The following TEAD1 variants were observed in gnomAD, a reference collection of about 807,000 sequenced individuals.
TEAD1 encodes TEA domain transcription factor 1.
In TEAD1, 9 loss-of-function variants were observed where a neutral mutation model predicts 54.9. That is an observed-to-expected ratio of 0.16 (90% CI 0.10 to 0.29). TEAD1 has a LOEUF of 0.29. Ranked by LOEUF, TEAD1 falls within the 10% of genes least tolerant of loss-of-function variation. The probability of loss-of-function intolerance (pLI) is 1.00; values close to 1 mark genes in which losing one functional copy is unlikely to be tolerated. For missense variants in TEAD1, 387 were observed against 535.9 expected (o/e 0.72, Z 2.74); for synonymous variants, 200 against 187.8 (o/e 1.07, Z -0.53).
chr11:12,694,116 C>T (rs912957381), intron 2 of TEAD1, among the ~76,000 whole-genome samples: 3 of 152,330 alleles, frequency 2.0e-5, no homozygotes, highest in African/African-American at 2.4e-5. Context: ...AGGCTGAGTC[C>T]GGGGAAGTGC....
chr11:12,775,534 G>A (rs976330399), intron 3 of TEAD1, among the ~76,000 whole-genome samples: 3 of 152,078 alleles, frequency 2.0e-5, no homozygotes, highest in African/African-American at 4.8e-5. Context: ...ATTTTATCCC[G>A]TTCCAGTGAT....
intron 3 of TEAD1, among the ~76,000 whole-genome samples, chr11:12,847,450 C>A (rs889763763): frequency 7.2e-6 from 1 of 138,990 alleles, no homozygotes; most frequent in African/African-American, 2.7e-5. Context: ...GCTGCAGAGG[C>A]CTGGCAGCTC....
chr11:12,929,207 T>TGTG (rs1948966702), intron 11 of TEAD1, among the ~76,000 whole-genome samples: 1 of 144,102 alleles, frequency 6.9e-6, no homozygotes, highest in African/African-American at 2.6e-5. Flanking sequence ...TGTGTCTGCT[T>TGTG]TAGGGTTATG....
At chr11:12,829,431 G>A (rs1489325396) in intron 3 of TEAD1, among the ~76,000 whole-genome samples, 1 of 152,138 alleles carries the variant, frequency 6.6e-6, no homozygotes, top group African/African-American at 2.4e-5. Flanking sequence ...GGAGCAACTG[G>A]TTTCTCCTGA....
chr11:12,881,498 G>A (rs1258032194), intron 7 of TEAD1, among the ~76,000 whole-genome samples: 1 of 152,166 alleles, frequency 6.6e-6, no homozygotes, highest in Non-Finnish European at 1.5e-5. Context: ...GGCTATTTCG[G>A]GATAAAAGAA....
chr11:12,707,190 C>T (rs763368916), intron 2 of TEAD1, among the ~76,000 whole-genome samples: 7 of 138,372 alleles, frequency 5.1e-5, no homozygotes, highest in Non-Finnish European at 7.5e-5. Context: ...TATACTTGTG[C>T]GGCTGGTGTT....
At chr11:12,706,497 T>C (rs2133845450) in intron 2 of TEAD1, among the ~76,000 whole-genome samples, 1 of 152,378 alleles carries the variant, frequency 6.6e-6, no homozygotes, top group South Asian at 2.1e-4. Context: ...GAGAACATAC[T>C]GTAATTTACA....
chr11:12,845,805 C>T (rs1947133983), intron 3 of TEAD1, among the ~76,000 whole-genome samples: 1 of 152,238 alleles, frequency 6.6e-6, no homozygotes, highest in African/African-American at 2.4e-5. Context: ...TTTCCCAGTA[C>T]TCCCAAATGC....
chr11:12,828,678 A>ATT (rs34495066), intron 3 of TEAD1, among the ~76,000 whole-genome samples: 3,786 of 140,890 alleles, frequency 0.027, 73 homozygotes, highest in South Asian at 0.059. Context: ...TAACTGAGTG[A>ATT]TTTTTTTTTT....
intron 2 of TEAD1, among the ~76,000 whole-genome samples, chr11:12,723,998 C>T (rs1944263912): frequency 6.6e-6 from 1 of 152,208 alleles, no homozygotes; most frequent in Admixed American, 6.5e-5. Flanking sequence ...CATACCATGG[C>T]CACTGAACTG....
chr11:12,678,168 T>A (rs1441829888), intron 2 of TEAD1, among the ~76,000 whole-genome samples: 15 of 152,182 alleles, frequency 9.9e-5, no homozygotes. Flanking sequence ...GACTGAAGAA[T>A]GTGGCCAAAA....
At chr11:12,932,165 A>T (rs942674808) in intron 12 of TEAD1, among the ~76,000 whole-genome samples, 1 of 152,256 alleles carries the variant, frequency 6.6e-6, no homozygotes, top group Non-Finnish European at 1.5e-5. Flanking sequence ...TTTGGAATAC[A>T]TGCTCTTTAA....
At chr11:12,690,918 G>C (rs940349332) in intron 2 of TEAD1, among the ~76,000 whole-genome samples, 1 of 152,062 alleles carries the variant, frequency 6.6e-6, no homozygotes, top group Admixed American at 6.6e-5. Context: ...ACCATGCCTG[G>C]CTAGTTTTTT....
chr11:12,901,758 G>A (rs1453547935), intron 9 of TEAD1, among the ~76,000 whole-genome samples, 182 bp from the exon 10 acceptor site: 1 of 152,146 alleles, frequency 6.6e-6, no homozygotes, highest in Admixed American at 6.5e-5. Flanking sequence ...AGCAATGATT[G>A]TCTCAACCCT....
chr11:12,747,327 A>T (rs1944766404), intron 2 of TEAD1, among the ~76,000 whole-genome samples: 1 of 151,922 alleles, frequency 6.6e-6, no homozygotes. Context: ...TTTAATTTTT[A>T]AAATTTTTGT....
At chr11:12,792,601 G>A (rs1318724308) in intron 3 of TEAD1, among the ~76,000 whole-genome samples, 1 of 152,184 alleles carries the variant, frequency 6.6e-6, no homozygotes. Flanking sequence ...GATATGTACA[G>A]CCTAGCTTTT....
At chr11:12,814,120 G>T (rs1040517059) in intron 3 of TEAD1, among the ~76,000 whole-genome samples, 1 of 152,140 alleles carries the variant, frequency 6.6e-6, no homozygotes, top group Non-Finnish European at 1.5e-5. Context: ...TGGTCACCAG[G>T]GCTGACGTAT....
chr11:12,677,232 G>A (rs1164814080), intron 2 of TEAD1, among the ~76,000 whole-genome samples: 1 of 152,062 alleles, frequency 6.6e-6, no homozygotes, highest in Non-Finnish European at 1.5e-5. Flanking sequence ...AATTTAAAGG[G>A]GGAGGACATC....
chr11:12,881,402 G>A (rs1338713411), intron 7 of TEAD1, among the ~76,000 whole-genome samples: 4 of 152,166 alleles, frequency 2.6e-5, no homozygotes, highest in Non-Finnish European at 5.9e-5. Flanking sequence ...TTTCATTCTA[G>A]CCAGCCCTGT....
Sources: allele counts gnomAD v4.1 joint callset (sites outside exome capture counted in the v4.1 genomes callset), GRCh38; gene constraint gnomAD v4.1.1; transcripts MANE v1.5; gene names NCBI Gene and HGNC (gene_info 2026-07-23, HGNC 2026-07-21).